BORCS5: variants seen among roughly 807,000 people sequenced by gnomAD.
The protein encoded by BORCS5 is BLOC-1-related complex subunit 5.
Under a neutral mutation model 22.1 loss-of-function variants are expected in BORCS5, and 17 were observed. The ratio of observed to expected loss-of-function variants is 0.77; its 90% CI spans 0.53 to 1.15. The LOEUF is 1.15. Among genes scored for constraint, BORCS5 ranks in the 50% most tolerant of loss-of-function variants. The pLI, the probability that BORCS5 is intolerant of heterozygous loss-of-function variation, is 0.00. For synonymous variants in BORCS5, 117 were observed against 99.8 expected (o/e 1.17, Z -1.03); for missense variants, 247 against 253.2 (o/e 0.98, Z 0.17).
At chr12:12,360,311 G>A (rs1229351735) in intron 1 of BORCS5, among the ~76,000 whole-genome samples, 2 of 152,170 alleles carry the variant, frequency 1.3e-5, no homozygotes, top group African/African-American at 4.8e-5. Flanking sequence ...GCAGTGAGCC[G>A]AGATTGCACC....
intron 2 of BORCS5, among the ~76,000 whole-genome samples, chr12:12,361,768 A>G (rs1863291758): frequency 6.6e-6 from 1 of 152,112 alleles, no homozygotes; most frequent in South Asian, 2.1e-4. Context: ...CTTATTTGTG[A>G]TCTGGACAGT....
At chr12:12,378,487 G>C (rs1863703939) in intron 2 of BORCS5, among the ~76,000 whole-genome samples, 2 of 152,198 alleles carry the variant, frequency 1.3e-5, no homozygotes, top group African/African-American at 2.4e-5. Context: ...GATTCTTGTT[G>C]ATAGTAATAT....
chr12:12,369,226 T>A (rs565886577), intron 2 of BORCS5, among the ~76,000 whole-genome samples: 3 of 152,242 alleles, frequency 2.0e-5, no homozygotes, highest in African/African-American at 4.8e-5. Flanking sequence ...TTGTTTTCTA[T>A]CAATATAGCC....
chr12:12,425,544 A>C (rs887591379), intron 2 of BORCS5, among the ~76,000 whole-genome samples: 1 of 152,152 alleles, frequency 6.6e-6, no homozygotes, highest in Non-Finnish European at 1.5e-5. Flanking sequence ...TAGCCATCCT[A>C]ATGATTAAGT....
At position 12,357,182 on chromosome 12, in the gene BORCS5, C is replaced by G. The variant is rs1863158335; in HGVS notation, c.-270C>G. The stretch of plus-strand genomic sequence containing the variant: ...GCAAAGCCAGTGTCATCTGCCGGTT[C>G]TCTTAGGGCTCCCGGAAAGAAGGAG... On this transcript the variant is annotated 5_prime_UTR_variant, in exon 1 of 4. Coordinates refer to ENST00000314565, the MANE Select transcript of BORCS5 (RefSeq NM_058169.6). 2 of 1,517,866 alleles carry G rather than the reference C, an allele frequency of 1.3e-6. No homozygotes were observed. Among genetic ancestry groups the G allele is most frequent in the African/African-American group, 1.4e-5 (1 of 72,308 alleles). The allele number at this position is 1,517,866 out of a possible 1,614,324, so 94.0% of individuals were successfully genotyped here.
At chr12:12,400,685 A>G (rs2136072083) in intron 2 of BORCS5, among the ~76,000 whole-genome samples, 1 of 151,992 alleles carries the variant, frequency 6.6e-6, no homozygotes, top group African/African-American at 2.4e-5. Flanking sequence ...TCCCTGCAGG[A>G]AGAAAAATAC....
At chr12:12,377,248 G>A (rs1025218094) in intron 2 of BORCS5, among the ~76,000 whole-genome samples, 2 of 150,960 alleles carry the variant, frequency 1.3e-5, no homozygotes, top group Middle Eastern at 3.2e-3. Flanking sequence ...TGTGATCTTG[G>A]CTCACTGCAA....
chr12:12,412,900 C>CTTTTTTTTTTTT (rs869045354), intron 2 of BORCS5, among the ~76,000 whole-genome samples: 58 of 74,206 alleles, frequency 7.8e-4, no homozygotes, highest in East Asian at 1.6e-3. Context: ...TTGTGGTTTT[C>CTTTTTTTTTTTT]TTTTTTTTTT....
intron 2 of BORCS5, among the ~76,000 whole-genome samples, chr12:12,392,488 TTA>T (rs1384474345): frequency 3.0e-4 from 46 of 152,200 alleles, no homozygotes; most frequent in Middle Eastern, 3.4e-3. Context: ...AGCAAAAAGG[TTA>T]CAGACATAGA....
At chr12:12,415,556 AGAGGGGGAGGGG>A (rs1243779710) in intron 2 of BORCS5, among the ~76,000 whole-genome samples, 28 of 3,168 alleles carry the variant, frequency 8.8e-3, no homozygotes, top group East Asian at 0.024. Context: ...GACCGTGGAG[AGAGGGGGAGGGG>A]GAGGGGGAGG....
At chr12:12,400,941 CTTT>C (rs1306926591) in intron 2 of BORCS5, among the ~76,000 whole-genome samples, 1 of 152,002 alleles carries the variant, frequency 6.6e-6, no homozygotes, top group African/African-American at 2.4e-5. Flanking sequence ...GTGTAACTTT[CTTT>C]TTTCTTTTCC....
In BORCS5 at chr12:12,357,664, G is replaced by T. The variant is rs541371232; in HGVS notation, c.58+155G>T. Among the ~76,000 whole-genome samples, 29 of 152,186 alleles carry T rather than the reference G, an allele frequency of 1.9e-4. 1 individual carries two copies. In the South Asian group the frequency reaches 6.0e-3, roughly 32 times the overall value. On this transcript the variant is annotated intron_variant, in intron 1 of 3. Transcript: ENST00000314565. ...AAAAAAAAAGTCACCATCTGTCCTG[G>T]CCTCGATTCCCCTGATGGAAGTGCG... is the stretch of plus-strand genomic sequence containing the variant.
chr12:12,415,285 G>C (rs879829014), intron 2 of BORCS5, among the ~76,000 whole-genome samples: 597 of 150,646 alleles, frequency 4.0e-3, no homozygotes, highest in Non-Finnish European at 7.1e-3. Context: ...ACGAGACTCC[G>C]TCTGCAATCC....
At chr12:12,437,478 G>C (rs1942579103) in intron 3 of BORCS5, among the ~76,000 whole-genome samples, 1 of 152,182 alleles carries the variant, frequency 6.6e-6, no homozygotes, top group Non-Finnish European at 1.5e-5. Flanking sequence ...TATTACCCAG[G>C]ATTTGGGAAC....
At chr12:12,379,658 G>C (rs1289089502) in intron 2 of BORCS5, among the ~76,000 whole-genome samples, 1 of 151,264 alleles carries the variant, frequency 6.6e-6, no homozygotes, top group Non-Finnish European at 1.5e-5. Context: ...TTCCCTTGAA[G>C]ACCCAGAAGT....
At chr12:12,358,191 C>G (rs1863190163) in intron 1 of BORCS5, among the ~76,000 whole-genome samples, 1 of 152,184 alleles carries the variant, frequency 6.6e-6, no homozygotes, top group African/African-American at 2.4e-5. Flanking sequence ...CCATTTGCTG[C>G]TTTTTTTGTT....
At chr12:12,418,331 C>A (rs1053159611) in intron 2 of BORCS5, among the ~76,000 whole-genome samples, 2 of 151,954 alleles carry the variant, frequency 1.3e-5, no homozygotes, top group Admixed American at 6.6e-5. Flanking sequence ...AGCCACCACA[C>A]CCGGCCTGAA....
chr12:12,412,885 T>C (rs1004949020), intron 2 of BORCS5, among the ~76,000 whole-genome samples: 2 of 147,882 alleles, frequency 1.4e-5, no homozygotes, highest in Non-Finnish European at 3.0e-5. Flanking sequence ...TCAGTTGAAA[T>C]GATTTTGTGG....
rs1863163178 is a variant in BORCS5, at chr12:12,357,332, T to C, written c.-120T>C. On this transcript the variant is annotated 5_prime_UTR_variant, in exon 1 of 4. Transcript: ENST00000314565. ...CGTCAGCCCCACACATTAGCCTCGC[T>C]GCGGCGCCCAGACTCTGCTTTGCCT... 6.8e-7 allele frequency: 1 copy of C among 1,479,386 alleles called. No individual in the cohort carries two copies. Among genetic ancestry groups the C allele is most frequent in the Non-Finnish European group, 9.0e-7 (1 of 1,109,152 alleles). The allele number at this position is 1,479,386 out of a possible 1,614,324, so 91.6% of individuals were successfully genotyped here. A position where few individuals can be genotyped will look rare whatever the true frequency, so the allele number is the denominator to read the frequency against.
Sources: allele counts gnomAD v4.1 joint callset (sites outside exome capture counted in the v4.1 genomes callset), GRCh38; gene constraint gnomAD v4.1.1; transcripts MANE v1.5; gene names NCBI Gene and HGNC (gene_info 2026-07-23, HGNC 2026-07-21).